Variants in GLI3 observed in about 807,000 individuals in gnomAD.
GLI3 encodes the protein transcription activator GLI3.
A neutral mutation model predicts 100.8 loss-of-function variants in GLI3; 20 were observed. The observed-to-expected ratio is 0.20, with a 90% CI of 0.14 to 0.29. The LOEUF is 0.29. Among genes scored for constraint, GLI3 ranks in the 10% least tolerant of loss-of-function variants. GLI3 has a pLI of 1.00. For synonymous variants in GLI3, 938 were observed against 860.5 expected, an observed-to-expected ratio of 1.09 and a Z score of -1.58; for missense variants, 2,040 against 2,128.5, an observed-to-expected ratio of 0.96 and a Z score of 0.82.
At chr7:42,174,013 G>T (rs985808326) in intron 2 of GLI3, among the ~76,000 whole-genome samples, 1 of 152,102 alleles carries the variant, frequency 6.6e-6, no homozygotes, top group Non-Finnish European at 1.5e-5. Context: ...AAGGCCAAAA[G>T]GCAAATGGAA....
chr7:42,114,558 G>GTGACACATCCGCACTGTGC (rs1432228946), intron 3 of GLI3, among the ~76,000 whole-genome samples: 2 of 152,208 alleles, frequency 1.3e-5, no homozygotes, highest in Non-Finnish European at 2.9e-5. Flanking sequence ...TCACTGCTAA[G>GTGACACATCCGCACTGTGC]TGACACATCC....
chr7:42,170,300 G>A (rs1189055528), intron 2 of GLI3, among the ~76,000 whole-genome samples: 1 of 141,678 alleles, frequency 7.1e-6, no homozygotes, highest in Non-Finnish European at 1.5e-5. Flanking sequence ...ACACACATAT[G>A]TATATATTTA....
chr7:42,241,187 C>CT (rs1480675875), upstream of GLI3, among the ~76,000 whole-genome samples: 1 of 152,186 alleles, frequency 6.6e-6, no homozygotes, highest in African/African-American at 2.4e-5. Flanking sequence ...CTGTTTTCAT[C>CT]TTTCGGCTCC....
chr7:42,120,308 G>A lies in GLI3; in HGVS notation c.367+27918C>T, dbSNP rs529468643. ...TGATTGGGCTGATTTCTCTAAGGCCGGGAGTGAAGGTTATTTCCTTATGCC... is the reference window on the plus strand; with the variant it reads ...TGATTGGGCTGATTTCTCTAAGGCCAGGAGTGAAGGTTATTTCCTTATGCC... On this transcript the variant is annotated intron_variant, in intron 3 of 14. Coordinates refer to ENST00000395925, the MANE Select transcript of GLI3 (RefSeq NM_000168.6). Among the ~76,000 whole-genome samples the A allele has an allele frequency of 9.9e-5, 15 of 152,254 alleles. No individual in the cohort carries two copies. The South Asian group carries it at 1.5e-3, about 15-fold the overall frequency.
At chr7:42,159,206 A>G (rs964753443) in intron 2 of GLI3, among the ~76,000 whole-genome samples, 4 of 152,232 alleles carry the variant, frequency 2.6e-5, no homozygotes, top group African/African-American at 9.6e-5. Context: ...CAGCCTAAGT[A>G]TTTGGCTTGT....
chr7:42,068,053 T>C (rs943457713), intron 4 of GLI3, among the ~76,000 whole-genome samples: 5 of 152,268 alleles, frequency 3.3e-5, no homozygotes, highest in African/African-American at 1.2e-4. Flanking sequence ...TTATCTTTAT[T>C]GGAAATGCAC....
intron 2 of GLI3, among the ~76,000 whole-genome samples, chr7:42,177,214 A>G (rs759330832): frequency 6.6e-6 from 1 of 152,164 alleles, no homozygotes; most frequent in Non-Finnish European, 1.5e-5. Flanking sequence ...GAGGAGTGTC[A>G]GCAAAGGCCT....
At chr7:42,127,845 A>T (rs1238347321) in intron 3 of GLI3, among the ~76,000 whole-genome samples, 1 of 151,614 alleles carries the variant, frequency 6.6e-6, no homozygotes, top group African/African-American at 2.4e-5. Context: ...CTATCTCTAT[A>T]AAAAAAATAC....
intron 2 of GLI3, among the ~76,000 whole-genome samples, chr7:42,182,451 T>A (rs1583627650): frequency 6.6e-6 from 1 of 150,648 alleles, no homozygotes; most frequent in African/African-American, 2.4e-5. Context: ...AAAAAAATAA[T>A]AATAATAATC....
chr7:41,964,464 G>A lies in GLI3; in HGVS notation c.4609C>T (p.Arg1537Cys), dbSNP rs35364414. The A allele has an allele frequency of 0.049, 79,763 of 1,614,054 alleles. 2,223 individuals carry two copies. The highest frequency in any genetic ancestry group is 0.057 in the Non-Finnish European group (67,008 of 1,179,884). ...IIQNLSHSSSRLTTPRASLPF... is the reference protein window; with the variant it reads ...IIQNLSHSSSCLTTPRASLPF... ...AGGGACGCCCGAGGCGTGGTGAGGC[G>A]GGAGGAGCTATGGGAAAGGTTCTGA... The change falls in exon 15 of 15, where the codon CGC becomes TGC. Residue 1537 changes from arginine to cysteine, a missense_variant. Transcript: ENST00000395925.
At chr7:42,137,168 T>C (rs1011684468) in intron 3 of GLI3, among the ~76,000 whole-genome samples, 4 of 152,192 alleles carry the variant, frequency 2.6e-5, no homozygotes, top group Non-Finnish European at 4.4e-5. Flanking sequence ...CATAACATTG[T>C]GGTGCAGACA....
chr7:42,238,020 C>T (rs1335169538), upstream of GLI3: 7 of 146,682 alleles, frequency 4.8e-5, no homozygotes, highest in East Asian at 1.1e-3. Context: ...CCTCCTCCTC[C>T]TCCTTCTCCT....
intron 4 of GLI3, among the ~76,000 whole-genome samples, chr7:42,075,702 G>A (rs987625581): frequency 6.6e-6 from 1 of 152,088 alleles, no homozygotes; most frequent in Admixed American, 6.5e-5. Flanking sequence ...TTACCTCCAG[G>A]CAAATCTGCT....
chr7:42,163,518 T>G (rs1431063780), intron 2 of GLI3, among the ~76,000 whole-genome samples: 1 of 151,866 alleles, frequency 6.6e-6, no homozygotes, highest in Non-Finnish European at 1.5e-5. Flanking sequence ...AACCTCCATC[T>G]CCTGGGTTCA....
intron 7 of GLI3, among the ~76,000 whole-genome samples, chr7:42,031,258 T>G (rs1015781984): frequency 6.6e-6 from 1 of 152,252 alleles, no homozygotes; most frequent in African/African-American, 2.4e-5. Flanking sequence ...AATAACTATA[T>G]GAAAGATGGG....
chr7:42,062,957 CAGATAAATAA>C (rs1784601595), intron 4 of GLI3, among the ~76,000 whole-genome samples: 1 of 152,060 alleles, frequency 6.6e-6, no homozygotes, highest in South Asian at 2.1e-4. Flanking sequence ...AACTGTATTG[CAGATAAATAA>C]AGGAGGCTTC....
intron 3 of GLI3, among the ~76,000 whole-genome samples, chr7:42,101,129 T>C (rs923058649): frequency 3.9e-5 from 6 of 152,120 alleles, no homozygotes; most frequent in Non-Finnish European, 7.3e-5. Context: ...GCAGTAAATA[T>C]TGACAAGAAA....
At chr7:42,254,610 T>G (rs1257699625) in intron 1 of GLI3, among the ~76,000 whole-genome samples, 1 of 152,246 alleles carries the variant, frequency 6.6e-6, no homozygotes, top group Non-Finnish European at 1.5e-5. Flanking sequence ...AGTTGGCTGA[T>G]CCTTGATCTG....
At chr7:42,210,716 G>A in intron 2 of GLI3, among the ~76,000 whole-genome samples, 1 of 151,742 alleles carries the variant, frequency 6.6e-6, no homozygotes, top group East Asian at 1.9e-4. Flanking sequence ...CAAGAGATTT[G>A]CAAATTATCT....
Sources: gnomAD v4.1 joint callset for allele counts (sites outside exome capture counted in the v4.1 genomes callset) on GRCh38, gnomAD v4.1.1 for gene constraint, MANE v1.5 for transcripts, NCBI Gene and HGNC (gene_info 2026-07-23, HGNC 2026-07-21) for gene names.